PDE1C: variants seen among roughly 807,000 people sequenced by gnomAD.
The protein encoded by PDE1C is phosphodiesterase 1C.
Under a neutral mutation model 93.1 loss-of-function variants are expected in PDE1C, and 62 were observed. The observed-to-expected ratio is 0.67, with a 90% CI of 0.54 to 0.82. The LOEUF (loss-of-function observed/expected upper bound fraction) is 0.82. Among genes scored for constraint, PDE1C ranks in the 40% least tolerant of loss-of-function variants. PDE1C has a pLI of 0.00. For synonymous variants in PDE1C, 325 were observed against 310.1 expected (o/e 1.05, Z -0.50); for missense variants, 742 against 884.6 (o/e 0.84, Z 2.04).
intron 2 of PDE1C, among the ~76,000 whole-genome samples, chr7:31,900,067 A>G (rs1239957397): frequency 6.6e-6 from 1 of 152,220 alleles, no homozygotes; most frequent in Non-Finnish European, 1.5e-5. Context: ...GTATTTTTTC[A>G]TATTGGAAAA....
At chr7:31,893,479 A>T in intron 2 of PDE1C, 1 of 984,808 alleles carries the variant, frequency 1.0e-6, no homozygotes. Flanking sequence ...AGACTTACTT[A>T]TGCAGTCCCA....
the PDE1C span, among the ~76,000 whole-genome samples, chr7:31,699,615 T>G: frequency 7.2e-5 from 11 of 152,074 alleles, no homozygotes; most frequent in Non-Finnish European, 1.5e-4. Flanking sequence ...TTCTCTTCAC[T>G]TTTTTGTGCT....
rs373973561 is a variant in PDE1C, at chr7:32,292,915, T to C, written c.85+5736A>G. On this transcript the variant is annotated intron_variant, in intron 1 of 18. Coordinates refer to the PDE1C transcript ENST00000396193. Reference sequence around the variant, plus strand: ...TGGCTCCGGAAAGTGCATCAGCCTATAGGAGGGCAGCAGTGTGCCCAGTAC... The same window carrying C: ...TGGCTCCGGAAAGTGCATCAGCCTACAGGAGGGCAGCAGTGTGCCCAGTAC... Among the ~76,000 whole-genome samples, 8 of 152,306 alleles carry C rather than the reference T, an allele frequency of 5.3e-5. No homozygotes were observed. The South Asian group carries it at 1.5e-3, about 28-fold the overall frequency.
chr7:32,207,907 C>T (rs779310228), intron 2 of PDE1C, among the ~76,000 whole-genome samples: 1 of 152,242 alleles, frequency 6.6e-6, no homozygotes, highest in Non-Finnish European at 1.5e-5. Context: ...GGGCACCCAG[C>T]ACAGCCCTCA....
At chr7:32,206,130 C>A (rs75423288) in intron 2 of PDE1C, among the ~76,000 whole-genome samples, 1 of 151,872 alleles carries the variant, frequency 6.6e-6, no homozygotes, top group Non-Finnish European at 1.5e-5. Flanking sequence ...AGAATTCAAA[C>A]CCCGGCTTGA....
intron 1 of PDE1C, among the ~76,000 whole-genome samples, chr7:32,358,074 C>T (rs2128084483): frequency 6.6e-6 from 1 of 152,296 alleles, no homozygotes; most frequent in South Asian, 2.1e-4. Context: ...AGAGAAAGTG[C>T]CCGGCACTGC....
intron 16 of PDE1C, among the ~76,000 whole-genome samples, chr7:31,806,821 G>A (rs1470625694): frequency 6.6e-6 from 1 of 151,828 alleles, no homozygotes; most frequent in Non-Finnish European, 1.5e-5. Flanking sequence ...ATTAAAAATT[G>A]TTAAATTGAC....
At chr7:31,732,822 G>A in the PDE1C span, among the ~76,000 whole-genome samples, 2 of 152,084 alleles carry the variant, frequency 1.3e-5, no homozygotes, top group Admixed American at 6.6e-5. Flanking sequence ...GGGGGACCTC[G>A]GGGATTTCTT....
chr7:32,378,091 T>G (rs1196053545), intron 1 of PDE1C, among the ~76,000 whole-genome samples: 1 of 152,236 alleles, frequency 6.6e-6, no homozygotes, highest in Non-Finnish European at 1.5e-5. Flanking sequence ...CTGTTACTTC[T>G]GTGGCATTGT....
rs1809663569 is a variant in PDE1C at position 31,964,900 on chromosome 7, AC to A, written c.129-84041del. Among the ~76,000 whole-genome samples the A allele has an allele frequency of 2.0e-5, 3 of 152,344 alleles. No homozygotes were observed. The South Asian group carries it at 6.2e-4, about 32-fold the overall frequency. ...AACAGACCTACAGCTGAGGGTCCTG[AC>A]TGTTAGAAGGAAAACTAACAAACAG... On this transcript the variant is annotated intron_variant, in intron 2 of 17. Transcript: ENST00000396191.
chr7:32,136,631 C>G (rs1800227290), intron 3 of PDE1C, among the ~76,000 whole-genome samples: 1 of 152,048 alleles, frequency 6.6e-6, no homozygotes, highest in African/African-American at 2.4e-5. Context: ...TATACTTTAC[C>G]AAAGGACTAT....
chr7:32,310,710 C>G (rs1447856471), intron 1 of PDE1C, among the ~76,000 whole-genome samples: 10 of 151,786 alleles, frequency 6.6e-5, no homozygotes, highest in Non-Finnish European at 1.3e-4. Flanking sequence ...CCAACGAGAA[C>G]AAAGACACAA....
intron 2 of PDE1C, among the ~76,000 whole-genome samples, chr7:31,889,554 T>G (rs1346536187): frequency 6.6e-6 from 1 of 152,204 alleles, no homozygotes; most frequent in Admixed American, 6.5e-5. Context: ...TTTCCATTCC[T>G]TTGGTTTTCG....
At position 31,859,145 on chromosome 7, in the gene PDE1C, C is replaced by A. The variant is rs1309369815; in HGVS notation, c.750+5797G>T. ...TATATATATATACTATATATATAGA[C>A]TATATGTATATTGACTATTGACTAT... On this transcript the variant is annotated intron_variant, in intron 7 of 17. Coordinates refer to ENST00000396191, the MANE Select transcript of PDE1C (RefSeq NM_001191057.4). Among the ~76,000 whole-genome samples, 8 of 148,452 alleles carry A rather than the reference C, an allele frequency of 5.4e-5. No homozygotes were observed. The East Asian group carries it at 1.4e-3, about 26-fold the overall frequency.
At chr7:32,204,039 T>C (rs1338275460) in intron 2 of PDE1C, among the ~76,000 whole-genome samples, 1 of 152,200 alleles carries the variant, frequency 6.6e-6, no homozygotes, top group Admixed American at 6.5e-5. Context: ...TTTTACTAAG[T>C]GCACTTAGAA....
chr7:32,125,275 G>A (rs1399128041), intron 3 of PDE1C, among the ~76,000 whole-genome samples: 2 of 152,186 alleles, frequency 1.3e-5, no homozygotes, highest in East Asian at 3.8e-4. Flanking sequence ...TGGTGGGAAT[G>A]TAAATTAGTT....
the PDE1C span, among the ~76,000 whole-genome samples, chr7:31,629,397 C>T: frequency 2.9e-4 from 44 of 152,164 alleles, no homozygotes; most frequent in Non-Finnish European, 5.3e-4. Flanking sequence ...TTACTCCATG[C>T]CACGAAGCTC....
chr7:31,814,853 C>G (rs1418250365), intron 15 of PDE1C, among the ~76,000 whole-genome samples: 1 of 151,440 alleles, frequency 6.6e-6, no homozygotes, highest in Non-Finnish European at 1.5e-5. Context: ...GTAGCCTGGC[C>G]AAGGACACTG....
chr7:32,323,399 T>G (rs1585108858), intron 1 of PDE1C, among the ~76,000 whole-genome samples: 1 of 152,236 alleles, frequency 6.6e-6, no homozygotes, highest in Non-Finnish European at 1.5e-5. Context: ...CAAGAGCCAG[T>G]CTGAGCTAGC....
Sources: allele counts gnomAD v4.1 joint callset (sites outside exome capture counted in the v4.1 genomes callset), GRCh38; gene constraint gnomAD v4.1.1; transcripts MANE v1.5; gene names NCBI Gene and HGNC (gene_info 2026-07-23, HGNC 2026-07-21).